The following CNTN5 variants were observed in gnomAD, a reference collection of about 807,000 sequenced individuals.
The protein encoded by CNTN5 is contactin 5.
In CNTN5, 77 loss-of-function variants were observed where a neutral mutation model predicts 129.1. The observed-to-expected ratio is 0.60, with a 90% CI of 0.50 to 0.72. CNTN5 has a LOEUF of 0.72. Among genes scored for constraint, CNTN5 ranks in the 30% least tolerant of loss-of-function variants. The pLI is 0.00. For missense variants in CNTN5, 1,478 were observed against 1,328.8 expected (o/e 1.11, Z -1.75); for synonymous variants, 509 against 465.6 (o/e 1.09, Z -1.20).
intron 8 of CNTN5, among the ~76,000 whole-genome samples, chr11:99,960,917 A>T (rs1213380147): frequency 6.6e-6 from 1 of 152,056 alleles, no homozygotes; most frequent in Non-Finnish European, 1.5e-5. Context: ...AAAACAGTAG[A>T]ACAGGCCAGG....
chr11:99,987,544 C>T (rs866271341), intron 8 of CNTN5, among the ~76,000 whole-genome samples: 3 of 120,000 alleles, frequency 2.5e-5, no homozygotes, highest in South Asian at 5.8e-4. Flanking sequence ...TATATATATA[C>T]ACATACACAC....
intron 16 of CNTN5, among the ~76,000 whole-genome samples, chr11:100,251,348 G>C (rs1949958918): frequency 6.6e-6 from 1 of 151,752 alleles, no homozygotes; most frequent in African/African-American, 2.4e-5. Flanking sequence ...GTGATGCTTT[G>C]GTACATATAC....
intron 3 of CNTN5, among the ~76,000 whole-genome samples, chr11:99,563,708 C>T (rs1383075982): frequency 6.6e-6 from 1 of 152,096 alleles, no homozygotes. Flanking sequence ...GTGATTGATG[C>T]CTTGTTAGCA....
intron 20 of CNTN5, among the ~76,000 whole-genome samples, chr11:100,300,681 A>G (rs2138895160): frequency 6.6e-6 from 1 of 151,692 alleles, no homozygotes; most frequent in African/African-American, 2.4e-5. Flanking sequence ...TATTTTTATA[A>G]TATAGAGCCA....
intron 16 of CNTN5, among the ~76,000 whole-genome samples, chr11:100,242,987 G>A (rs1283541626): frequency 2.0e-5 from 3 of 152,186 alleles, no homozygotes; most frequent in East Asian, 1.9e-4. Context: ...AAATAAAAGG[G>A]TAAGATACCT....
intron 1 of CNTN5, among the ~76,000 whole-genome samples, chr11:99,024,964 A>C (rs900390347): frequency 6.6e-6 from 1 of 152,026 alleles, no homozygotes; most frequent in Non-Finnish European, 1.5e-5. Context: ...CATTAGATAC[A>C]TTTTAAAACA....
intron 3 of CNTN5, among the ~76,000 whole-genome samples, chr11:99,602,488 T>C (rs1170323352): frequency 6.6e-6 from 1 of 152,080 alleles, no homozygotes; most frequent in Non-Finnish European, 1.5e-5. Flanking sequence ...ACAATTGTAT[T>C]GATCAGGCAC....
chr11:100,040,852 C>T (rs749155483), intron 9 of CNTN5, among the ~76,000 whole-genome samples: 5 of 152,122 alleles, frequency 3.3e-5, no homozygotes, highest in Admixed American at 2.0e-4. Context: ...TGGGAGTGAT[C>T]CAATTTTCCA....
chr11:100,343,589 A>T (rs1952213705), intron 23 of CNTN5, among the ~76,000 whole-genome samples: 1 of 152,130 alleles, frequency 6.6e-6, no homozygotes, highest in Non-Finnish European at 1.5e-5. Context: ...ACAGGAATAT[A>T]TATTTAGAAA....
At chr11:99,991,516 G>A (rs1939097476) in intron 8 of CNTN5, among the ~76,000 whole-genome samples, 1 of 151,984 alleles carries the variant, frequency 6.6e-6, no homozygotes, top group Non-Finnish European at 1.5e-5. Context: ...TAACTCTTCT[G>A]GTTGCAACTG....
At chr11:99,100,022 T>C (rs1306421569) in intron 1 of CNTN5, among the ~76,000 whole-genome samples, 2 of 152,114 alleles carry the variant, frequency 1.3e-5, no homozygotes, top group East Asian at 3.8e-4. Flanking sequence ...TAAATCGTAA[T>C]TTAAAACATA....
At chr11:99,237,548 G>A (rs763227602) in intron 1 of CNTN5, among the ~76,000 whole-genome samples, 34 of 152,114 alleles carry the variant, frequency 2.2e-4, no homozygotes, top group Non-Finnish European at 4.1e-4. Context: ...TGGCATGGTG[G>A]CACACACCTG....
chr11:99,649,423 A>G (rs562909084), intron 3 of CNTN5, among the ~76,000 whole-genome samples: 52 of 151,928 alleles, frequency 3.4e-4, no homozygotes, highest in African/African-American at 1.2e-3. Flanking sequence ...TTTATTGGCT[A>G]TCATAAAGAT....
At chr11:100,060,094 C>A (rs1158641493) in intron 9 of CNTN5, among the ~76,000 whole-genome samples, 1 of 151,812 alleles carries the variant, frequency 6.6e-6, no homozygotes, top group Admixed American at 6.6e-5. Flanking sequence ...CCTGTAATCC[C>A]AGCTACTTGG....
chr11:99,189,583 G>A (rs1732331903), intron 1 of CNTN5, among the ~76,000 whole-genome samples: 1 of 151,528 alleles, frequency 6.6e-6, no homozygotes, highest in Non-Finnish European at 1.5e-5. Context: ...CCATTCTGTT[G>A]AGTGTTAAGT....
At chr11:99,090,643 G>GA (rs202110421) in intron 1 of CNTN5, among the ~76,000 whole-genome samples, 25 of 124,536 alleles carry the variant, frequency 2.0e-4, no homozygotes, top group East Asian at 2.5e-4. Context: ...GTTATAGCCT[G>GA]AAAAAAAAAG....
intron 13 of CNTN5, among the ~76,000 whole-genome samples, chr11:100,174,412 G>C (rs1947904215): frequency 6.6e-6 from 1 of 152,040 alleles, no homozygotes; most frequent in Non-Finnish European, 1.5e-5. Context: ...TCTTAACCTT[G>C]TTTTCATCAC....
At chr11:99,683,452 A>C (rs1037830955) in intron 3 of CNTN5, among the ~76,000 whole-genome samples, 9 of 151,960 alleles carry the variant, frequency 5.9e-5, no homozygotes, top group African/African-American at 1.7e-4. Flanking sequence ...ACATATATGC[A>C]AAAATAAATT....
intron 6 of CNTN5, among the ~76,000 whole-genome samples, chr11:99,847,791 A>T (rs952854543): frequency 1.3e-5 from 2 of 152,188 alleles, no homozygotes; most frequent in Admixed American, 6.6e-5. Flanking sequence ...TTTGGGTGCT[A>T]TAGGATTCGG....
Sources: gnomAD v4.1 joint callset for allele counts (sites outside exome capture counted in the v4.1 genomes callset) on GRCh38, gnomAD v4.1.1 for gene constraint, MANE v1.5 for transcripts, NCBI Gene and HGNC (gene_info 2026-07-23, HGNC 2026-07-21) for gene names.